The following CFAP54 variants were observed in gnomAD, a reference collection of about 807,000 sequenced individuals.
CFAP54 encodes cilia- and flagella-associated protein 54.
Under a neutral mutation model 370.4 loss-of-function variants are expected in CFAP54, and 290 were observed. The ratio of observed to expected loss-of-function variants is 0.78; its 90% CI spans 0.71 to 0.86. The LOEUF (loss-of-function observed/expected upper bound fraction) is 0.86, where lower values mean the gene tolerates loss of function less well. Ranked by LOEUF, CFAP54 falls within the 40% of genes least tolerant of loss-of-function variation. CFAP54 has a pLI of 0.00. For missense variants in CFAP54, 3,399 were observed against 3,528.7 expected, an observed-to-expected ratio of 0.96 and a Z score of 0.93; for synonymous variants, 1,206 against 1,236.5, an observed-to-expected ratio of 0.98 and a Z score of 0.52.
intron 67 of CFAP54, among the ~76,000 whole-genome samples, chr12:96,861,969 G>A (rs147396223): frequency 3.4e-4 from 52 of 152,072 alleles, no homozygotes; most frequent in African/African-American, 1.2e-3. Context: ...AGCTAAATTG[G>A]TTTAATGTAT....
At chr12:96,708,990 C>T (rs1338307679) in intron 48 of CFAP54, among the ~76,000 whole-genome samples, 187 bp downstream of exon 48, 1 of 152,036 alleles carries the variant, frequency 6.6e-6, no homozygotes, top group African/African-American at 2.4e-5. Flanking sequence ...ATATATATAT[C>T]CATATTCATA....
intron 22 of CFAP54, among the ~76,000 whole-genome samples, 156 bp from the exon 23 acceptor site, chr12:96,589,271 A>G (rs1029425142): frequency 1.3e-5 from 2 of 152,258 alleles, no homozygotes; most frequent in South Asian, 2.1e-4. Context: ...CCATGGCACT[A>G]TAGAACAGAA....
intron 3 of CFAP54, among the ~76,000 whole-genome samples, chr12:96,506,278 G>T (rs1467759900): frequency 2.7e-5 from 4 of 150,354 alleles, no homozygotes; most frequent in Non-Finnish European, 5.9e-5. Flanking sequence ...GGTGGAGCTT[G>T]CAGTGAGCCG....
intron 26 of CFAP54, among the ~76,000 whole-genome samples, chr12:96,603,411 A>G (rs557975480): frequency 1.3e-5 from 2 of 152,054 alleles, no homozygotes; most frequent in African/African-American, 2.4e-5. Flanking sequence ...TTTCAACTTT[A>G]GTGAATCTGA....
chr12:96,756,686 G>C lies in CFAP54; in HGVS notation c.7946+123G>C. ...CTTCTGAAAGCAGGGCTAGTTCATG[G>C]GGTCCATCTCAAGCTTGTTGCTCTT... On this transcript the variant is annotated intron_variant, in intron 57 of 67. Transcript: ENST00000524981. The C allele has an allele frequency of 4.5e-6, 3 of 666,882 alleles. No homozygotes were observed. In the South Asian group the frequency reaches 5.4e-5, roughly 12 times the overall value. The allele number at this position is 666,882 out of a possible 1,614,324, so 41.3% of individuals were successfully genotyped here. A position where few individuals can be genotyped will look rare whatever the true frequency, so the allele number is the denominator to read the frequency against.
chr12:96,825,942 CATTAATATATAA>C (rs1027363514), intron 65 of CFAP54, among the ~76,000 whole-genome samples: 6 of 137,852 alleles, frequency 4.4e-5, no homozygotes, highest in African/African-American at 8.0e-5. Context: ...TAACATAGTA[CATTAATATATAA>C]ATTAATATAT....
At chr12:96,626,685 T>A in intron 29 of CFAP54, 128 bp from the exon 30 acceptor site, 2 of 456,662 alleles carry the variant, frequency 4.4e-6, no homozygotes, top group Non-Finnish European at 7.4e-6. Context: ...CTTTTTAAAA[T>A]GGAGAAATCT....
intron 40 of CFAP54, among the ~76,000 whole-genome samples, chr12:96,684,220 A>G (rs1276271927): frequency 2.6e-5 from 4 of 152,220 alleles, no homozygotes; most frequent in Non-Finnish European, 5.9e-5. Flanking sequence ...GATAACATCC[A>G]CATTTCTCCA....
At chr12:96,713,292 G>T (rs549146681) in intron 48 of CFAP54, among the ~76,000 whole-genome samples, 8 of 152,268 alleles carry the variant, frequency 5.3e-5, no homozygotes, top group Non-Finnish European at 8.8e-5. Context: ...TAAGTGTCCA[G>T]CAGTGGATGA....
intron 41 of CFAP54, 129 bp downstream of exon 41, chr12:96,684,864 A>G (rs1565941823): frequency 5.3e-6 from 5 of 945,746 alleles, no homozygotes; most frequent in Non-Finnish European, 8.0e-6. Flanking sequence ...GCTACATTTT[A>G]TTCATCAAAT....
At chr12:96,850,794 G>A (rs117100702) in intron 66 of CFAP54, among the ~76,000 whole-genome samples, 1,711 of 152,276 alleles carry the variant, frequency 0.011, 81 homozygotes, top group East Asian at 0.11. Flanking sequence ...ATGGCAGCAG[G>A]CAAGAGAGAG....
chr12:96,839,457 T>C (rs1276174489), intron 66 of CFAP54, among the ~76,000 whole-genome samples: 1 of 152,222 alleles, frequency 6.6e-6, no homozygotes, highest in Non-Finnish European at 1.5e-5. Context: ...AGGAAGCCTC[T>C]GAGTATACTC....
chr12:96,571,241 C>T (rs377595143), intron 19 of CFAP54, among the ~76,000 whole-genome samples: 1 of 152,118 alleles, frequency 6.6e-6, no homozygotes, highest in East Asian at 1.9e-4. Flanking sequence ...TGAAGAGAGG[C>T]AGGTTTCATT....
At chr12:96,680,705 G>A (rs1957259491) in intron 40 of CFAP54, among the ~76,000 whole-genome samples, 1 of 151,424 alleles carries the variant, frequency 6.6e-6, no homozygotes, top group South Asian at 2.1e-4. Flanking sequence ...CATAGTTTTT[G>A]GTTATATTGT....
In CFAP54 at chr12:96,504,027, A is replaced by G; in HGVS notation, c.565A>G (p.Thr189Ala). The stretch of plus-strand genomic sequence containing the variant: ...CTTTAAAGATAAAACTGCTGGACTT[A>G]CAGTAAGATGAAAGAGCAGCTGAAA... ...KGFKDKTAGLTFHALSGKNMC... is the reference protein window; with the variant it reads ...KGFKDKTAGLAFHALSGKNMC... The change falls in exon 3 of 68, where the codon ACA becomes GCA. Residue 189 changes from threonine to alanine, a missense_variant and splice_region_variant. By Grantham distance (58) the Thr-to-Ala change is moderately conservative. This residue lies in a region of CFAP54 where 559 missense variants were observed against 576.7 expected (regional missense o/e 0.97). Coordinates refer to ENST00000524981, the MANE Select transcript of CFAP54 (RefSeq NM_001306084.2). The G allele has an allele frequency of 1.3e-6, 2 of 1,504,940 alleles. No homozygotes were observed. Among genetic ancestry groups the G allele is most frequent in the Non-Finnish European group, 1.8e-6 (2 of 1,136,902 alleles). The allele number at this position is 1,504,940 out of a possible 1,614,324, so 93.2% of individuals were successfully genotyped here.
At chr12:96,521,339 C>A (rs1051940539) in intron 6 of CFAP54, among the ~76,000 whole-genome samples, 1 of 152,138 alleles carries the variant, frequency 6.6e-6, no homozygotes, top group Non-Finnish European at 1.5e-5. Context: ...TCCCTTCTTC[C>A]TTCCTTCAGA....
intron 60 of CFAP54, among the ~76,000 whole-genome samples, chr12:96,766,824 G>T (rs1283684509): frequency 6.6e-6 from 1 of 152,106 alleles, no homozygotes; most frequent in Non-Finnish European, 1.5e-5. Context: ...TTAGGGCAGG[G>T]ATGACCAATA....
At chr12:96,619,447 T>G (rs916309918) in intron 26 of CFAP54, among the ~76,000 whole-genome samples, 2 of 148,750 alleles carry the variant, frequency 1.3e-5, no homozygotes, top group Non-Finnish European at 3.0e-5. Context: ...TCTTTTCAGA[T>G]GGTTGAGTCT....
At chr12:96,628,135 C>T (rs545462257) in intron 30 of CFAP54, among the ~76,000 whole-genome samples, 30 of 152,296 alleles carry the variant, frequency 2.0e-4, no homozygotes, top group African/African-American at 6.0e-4. Flanking sequence ...TAAGTACACT[C>T]TATGATGTTC....
Sources: gnomAD v4.1 joint callset for allele counts (sites outside exome capture counted in the v4.1 genomes callset) on GRCh38, gnomAD v4.1.1 for gene constraint, gnomAD v4.1.1 regional missense constraint, MANE v1.5 for transcripts, NCBI Gene and HGNC (gene_info 2026-07-23, HGNC 2026-07-21) for gene names.